The following WDR27 variants were observed in gnomAD, a reference collection of about 807,000 sequenced individuals.
WDR27 encodes WD repeat-containing protein 27.
In WDR27, 100 loss-of-function variants were observed where a neutral mutation model predicts 114.4. That is an observed-to-expected ratio of 0.87 (90% CI 0.74 to 1.03). WDR27 has a LOEUF of 1.03. Ranked by LOEUF, WDR27 falls within the 50% of genes least tolerant of loss-of-function variation. WDR27 has a pLI of 0.00. For missense variants in WDR27, 1,129 were observed against 1,092.9 expected (o/e 1.03, Z -0.47); for synonymous variants, 449 against 423.1 (o/e 1.06, Z -0.75).
intron 25 of WDR27, among the ~76,000 whole-genome samples, chr6:169,552,524 TTAA>T (rs1399532841): frequency 6.6e-6 from 1 of 152,158 alleles, no homozygotes; most frequent in African/African-American, 2.4e-5. Flanking sequence ...TTGAATTAAT[TTAA>T]TAATATTTCA....
chr6:169,613,140 C>G (rs1810982930), intron 22 of WDR27, among the ~76,000 whole-genome samples: 1 of 152,184 alleles, frequency 6.6e-6, no homozygotes, highest in Admixed American at 6.5e-5. Context: ...GAAATGCCCT[C>G]CCAACTGTGA....
At chr6:169,683,515 T>G (rs1429350297) in intron 2 of WDR27, among the ~76,000 whole-genome samples, 1 of 151,804 alleles carries the variant, frequency 6.6e-6, no homozygotes, top group Non-Finnish European at 1.5e-5. Context: ...ACCTGGCACT[T>G]GAGCCCCTCC....
chr6:169,663,459 C>T (rs1240579671), intron 8 of WDR27: 2 of 152,206 alleles, frequency 1.3e-5, no homozygotes, highest in African/African-American at 4.8e-5. Context: ...GTCAGCTGCA[C>T]ACACCAATGA....
At chr6:169,567,112 C>T (rs1056589791) in intron 25 of WDR27, among the ~76,000 whole-genome samples, 7 of 152,192 alleles carry the variant, frequency 4.6e-5, no homozygotes, top group Admixed American at 2.0e-4. Context: ...TCTGGGGGAC[C>T]TTTGGAAATG....
the WDR27 span, chr6:169,426,532 G>A: frequency 8.3e-4 from 126 of 152,174 alleles, 1 homozygote; most frequent in African/African-American, 3.0e-3. Flanking sequence ...TGATATCTGA[G>A]CTATTAAAAG....
chr6:169,518,252 T>C (rs780650182), intron 25 of WDR27, among the ~76,000 whole-genome samples: 12 of 152,250 alleles, frequency 7.9e-5, no homozygotes, highest in African/African-American at 2.7e-4. Context: ...CAGAGCCCTC[T>C]TGGGGACTCT....
chr6:169,623,737 C>T (rs1185992318), intron 21 of WDR27, among the ~76,000 whole-genome samples: 2 of 152,202 alleles, frequency 1.3e-5, no homozygotes, highest in African/African-American at 4.8e-5. Context: ...ATAAGAACTG[C>T]ACATATTTTG....
chr6:169,660,898 C>A, intron 9 of WDR27, 132 bp from the exon 10 acceptor site: 2 of 760,608 alleles, frequency 2.6e-6, no homozygotes, highest in Middle Eastern at 2.8e-4. Flanking sequence ...CCCACGTGCG[C>A]CCCCTGGCCT....
the WDR27 span, among the ~76,000 whole-genome samples, chr6:169,427,380 T>C: frequency 2.6e-5 from 4 of 152,210 alleles, no homozygotes; most frequent in African/African-American, 9.6e-5. Flanking sequence ...CCCTCTGTCC[T>C]TAAACCTGTG....
At chr6:169,567,427 A>G (rs1800678885) in intron 25 of WDR27, among the ~76,000 whole-genome samples, 1 of 152,102 alleles carries the variant, frequency 6.6e-6, no homozygotes, top group Admixed American at 6.5e-5. Context: ...AGATGTCCTC[A>G]AGTTCTAAGT....
chr6:169,666,097 T>G (rs1388016983), intron 6 of WDR27, among the ~76,000 whole-genome samples: 1 of 152,208 alleles, frequency 6.6e-6, no homozygotes, highest in East Asian at 1.9e-4. Context: ...TTTAGGAGCA[T>G]TAGATAAATG....
Position 169,670,702 on chromosome 6 carries a change from A to G in WDR27, c.332-9T>C, listed in dbSNP as rs781284266. ...CCCTCGAGGGACCAGCCCTAGAGTG[A>G]GTTTCACCATTAGTGCCAGTTTACC... On this transcript the variant is annotated splice_polypyrimidine_tract_variant and intron_variant, in intron 3 of 25. Coordinates refer to ENST00000448612, the MANE Select transcript of WDR27 (RefSeq NM_182552.5). The G allele has an allele frequency of 1.9e-6, 3 of 1,613,092 alleles. No homozygotes were observed. In the Admixed American group the frequency reaches 5.0e-5, roughly 27 times the overall value.
intron 17 of WDR27, 126 bp from the exon 18 acceptor site, chr6:169,638,786 C>T (rs902717176): frequency 1.7e-6 from 2 of 1,199,266 alleles, no homozygotes; most frequent in Non-Finnish European, 1.2e-6. Context: ...TAGGGGCGCG[C>T]CAGGAGGCTT....
At chr6:169,448,036 AAT>A in the WDR27 span, among the ~76,000 whole-genome samples, 1 of 152,194 alleles carries the variant, frequency 6.6e-6, no homozygotes, top group Non-Finnish European at 1.5e-5. Flanking sequence ...AACATCTCTC[AAT>A]ACAAGAATGC....
chr6:169,637,927 A>C (rs530321650), intron 18 of WDR27, among the ~76,000 whole-genome samples: 2 of 151,854 alleles, frequency 1.3e-5, no homozygotes, highest in Non-Finnish European at 2.9e-5. Context: ...ATGCATGTGA[A>C]TATGTGGCAA....
At chr6:169,455,436 C>T (rs1011571352), downstream of WDR27, among the ~76,000 whole-genome samples, 1 of 152,192 alleles carries the variant, frequency 6.6e-6, no homozygotes, top group African/African-American at 2.4e-5. Context: ...GCAGAGCAAC[C>T]AACCAGTTTT....
intron 17 of WDR27, among the ~76,000 whole-genome samples, chr6:169,643,222 T>C (rs575835408): frequency 6.6e-6 from 1 of 152,334 alleles, no homozygotes; most frequent in African/African-American, 2.4e-5. Flanking sequence ...GAATTAGGAA[T>C]CAAATATATG....
At chr6:169,477,212 A>C (rs1405879522) in intron 25 of WDR27, among the ~76,000 whole-genome samples, 1 of 152,230 alleles carries the variant, frequency 6.6e-6, no homozygotes, top group Admixed American at 6.5e-5. Flanking sequence ...ATGCATTTTA[A>C]GAGCACAGTT....
chr6:169,504,609 A>T (rs952760998), intron 25 of WDR27, among the ~76,000 whole-genome samples: 1 of 152,104 alleles, frequency 6.6e-6, no homozygotes, highest in African/African-American at 2.4e-5. Flanking sequence ...TACTCACTTT[A>T]AAAAAAGATT....
Sources: allele counts gnomAD v4.1 joint callset (sites outside exome capture counted in the v4.1 genomes callset), GRCh38; gene constraint gnomAD v4.1.1; transcripts MANE v1.5; gene names NCBI Gene and HGNC (gene_info 2026-07-23, HGNC 2026-07-21).